PIGZ: variants seen among roughly 807,000 people sequenced by gnomAD.
The protein encoded by PIGZ is phosphatidylinositol glycan anchor biosynthesis class Z (Gwada blood group), also known as GPI alpha-1,2-mannosyltransferase 4.
PIGZ carries 16 observed loss-of-function variants against 16.4 expected under a neutral mutation model. The observed-to-expected ratio is 0.97, with a 90% confidence interval of 0.66 to 1.48. The LOEUF (loss-of-function observed/expected upper bound fraction) is 1.48. PIGZ is among the 40% of genes most tolerant of loss of function. The pLI, the probability that PIGZ is intolerant of heterozygous loss-of-function variation, is 0.00. For synonymous variants in PIGZ, 409 were observed against 338.4 expected, an observed-to-expected ratio of 1.21 and a Z score of -2.29; for missense variants, 770 against 739.2, an observed-to-expected ratio of 1.04 and a Z score of -0.48.
At chr3:196,948,830 CT>C (rs1354009351) in intron 2 of PIGZ, 145 bp from the exon 3 acceptor site, 2 of 441,622 alleles carry the variant, frequency 4.5e-6, no homozygotes, top group African/African-American at 4.2e-5. Flanking sequence ...TTTTTCCTCC[CT>C]TCCCTCCCTC....
chr3:196,960,767 A>AAAGAAAGAAAGAAAGAAAG, intron 1 of PIGZ, among the ~76,000 whole-genome samples: 1 of 67,224 alleles, frequency 1.5e-5, no homozygotes, highest in Non-Finnish European at 3.3e-5. Flanking sequence ...AAGAAAGAAA[A>AAAGAAAGAAAGAAAGAAAG]GAAAACAACT....
chr3:196,949,853 TACACCTGTCAAGCTTG>T (rs1196676857), intron 2 of PIGZ, among the ~76,000 whole-genome samples: 1 of 152,032 alleles, frequency 6.6e-6, no homozygotes, highest in Non-Finnish European at 1.5e-5. Flanking sequence ...CCCTTGTCCT[TACACCTGTCAAGCTTG>T]ACAGAGCCGC....
intron 1 of PIGZ, among the ~76,000 whole-genome samples, chr3:196,955,317 C>G (rs1312005086): frequency 6.6e-6 from 1 of 152,070 alleles, no homozygotes; most frequent in African/African-American, 2.4e-5. Context: ...AAATAGTTGA[C>G]TTGTCTAATT....
intron 1 of PIGZ, among the ~76,000 whole-genome samples, chr3:196,954,430 G>A (rs146137781): frequency 2.0e-3 from 302 of 152,216 alleles, no homozygotes; most frequent in African/African-American, 6.9e-3. Flanking sequence ...TCCTAATATT[G>A]GTTTACTTGT....
chr3:196,968,219 C>T (rs1485215383), intron 1 of PIGZ, among the ~76,000 whole-genome samples: 1 of 152,138 alleles, frequency 6.6e-6, no homozygotes, highest in Non-Finnish European at 1.5e-5. Context: ...GGCCGGGAGC[C>T]GAGATTCTTC....
intron 2 of PIGZ, among the ~76,000 whole-genome samples, chr3:196,951,014 G>A (rs1717259686): frequency 6.6e-6 from 1 of 152,168 alleles, no homozygotes; most frequent in Non-Finnish European, 1.5e-5. Context: ...CCAGAGTGCT[G>A]GGATTACAGG....
intron 1 of PIGZ, among the ~76,000 whole-genome samples, chr3:196,967,899 G>A (rs983580547): frequency 4.6e-5 from 7 of 152,222 alleles, no homozygotes; most frequent in Non-Finnish European, 1.0e-4. Flanking sequence ...TGCAAAGTGG[G>A]GACTCCGCTC....
In PIGZ at chr3:196,948,177, G is replaced by C. The variant is rs749774820; in HGVS notation, c.720C>G (p.Leu240=). The change falls in exon 3 of 3, where the codon CTC becomes CTG. Residue 240 remains leucine (L), a synonymous_variant. Coordinates refer to ENST00000412723, the MANE Select transcript of PIGZ (RefSeq NM_025163.4). ...GGTTTGTGGCTCCACGAGTGCCCCA[G>C]AGGTAGAGGGGGACCACAGCAAAGG... ...FLAFAVVPLY[L]WGTRGATNPG... is the part of the protein sequence containing the mutation. The C allele has an allele frequency of 6.2e-7, 1 of 1,614,010 alleles. No individual in the cohort carries two copies. The highest frequency in any genetic ancestry group is 1.3e-5 in the African/African-American group (1 of 75,060).
At chr3:196,954,505 ACAT>A (rs1717407409) in intron 1 of PIGZ, among the ~76,000 whole-genome samples, 1 of 152,144 alleles carries the variant, frequency 6.6e-6, no homozygotes, top group Non-Finnish European at 1.5e-5. Flanking sequence ...TTTCTTCAAA[ACAT>A]CAACTTTTGC....
rs1269668840 is a variant in PIGZ at position 196,965,206 on chromosome 3, C to T, written c.-1+3481G>A. Among the ~76,000 whole-genome samples the T allele has an allele frequency of 6.6e-6, 1 of 152,122 alleles. No homozygotes were observed. Among genetic ancestry groups the T allele is most frequent in the East Asian group, 1.9e-4 (1 of 5,202 alleles). On this transcript the variant is annotated intron_variant, in intron 1 of 2. Transcript: ENST00000412723. This position sits in a 1 kb window ranked among gnomAD's most constrained non-coding sequence, Gnocchi z 4.2. ...GGCAATTTCTAAATAAAAGAGGTTT[C>T]ATTGACTCACAGTTCTACATTGCTG...
At chr3:196,950,902 G>A (rs1717254282) in intron 2 of PIGZ, among the ~76,000 whole-genome samples, 1 of 151,922 alleles carries the variant, frequency 6.6e-6, no homozygotes. Context: ...CTGCCACCAT[G>A]CCAGGCTAAT....
intron 1 of PIGZ, among the ~76,000 whole-genome samples, chr3:196,962,119 C>G (rs1003336180): frequency 2.0e-5 from 3 of 152,184 alleles, no homozygotes; most frequent in African/African-American, 7.2e-5. Context: ...CCATTTTGAT[C>G]TGTACTAAGA....
chr3:196,948,425 C>T lies in PIGZ; in HGVS notation c.472G>A (p.Ala158Thr), dbSNP rs969126263. Residue 158 changes from alanine to threonine, a missense_variant, in exon 3 of 3, where the codon GCC becomes ACC. By Grantham distance (58) the Ala-to-Thr change is moderately conservative (BLOSUM62 0). Coordinates refer to ENST00000412723, the MANE Select transcript of PIGZ (RefSeq NM_025163.4). The stretch of plus-strand genomic sequence containing the variant: ...TAGGAACCAGACAGCAGGGCCAGGG[C>T]GTTCCAGCGATCCGCCCCCATCGGC... ...APPMGADRWN[A>T]LALLSGSYVT... 11 of 1,614,070 alleles carry T rather than the reference C, an allele frequency of 6.8e-6. No individual in the cohort carries two copies. The highest frequency in any genetic ancestry group is 1.3e-5 in the African/African-American group (1 of 74,920).
At chr3:196,952,144 G>T in intron 1 of PIGZ, 113 bp from the exon 2 acceptor site, 1 of 1,008,748 alleles carries the variant, frequency 9.9e-7, no homozygotes, top group Non-Finnish European at 1.5e-6. Flanking sequence ...AATAATAATA[G>T]CTACTTCATA....
chr3:196,953,220 A>G (rs1717358329), intron 1 of PIGZ, among the ~76,000 whole-genome samples: 1 of 152,228 alleles, frequency 6.6e-6, no homozygotes, highest in Non-Finnish European at 1.5e-5. Flanking sequence ...ACATTTGCTC[A>G]ATGTGACATT....
chr3:196,947,849 G>A lies in PIGZ; in HGVS notation c.1048C>T (p.Gln350Ter). 2 of 1,613,464 alleles carry A rather than the reference G, an allele frequency of 1.2e-6. No individual in the cohort carries two copies. Among genetic ancestry groups the A allele is most frequent in the Non-Finnish European group, 1.7e-6 (2 of 1,179,566 alleles). ...RLQVGLQASAQMGLLRALGAR... is the reference protein window; with the variant it reads ...RLQVGLQASA ...CCCAGTGCCCTCAGGAGGCCCATTT[G>A]TGCAGAGGCCTGGAGGCCGACTTGC... Residue 350 changes from glutamine to a stop codon, truncating the protein, a stop_gained, in exon 3 of 3, where the codon CAA becomes TAA. Coordinates refer to ENST00000412723, the MANE Select transcript of PIGZ (RefSeq NM_025163.4). LOFTEE classifies it low-confidence loss of function (END_TRUNC).
Position 196,965,955 on chromosome 3 carries a change from G to A in PIGZ, c.-1+2732C>T, listed in dbSNP as rs1031101588. Among the ~76,000 whole-genome samples the A allele has an allele frequency of 1.3e-5, 2 of 152,156 alleles. No homozygotes were observed. The highest frequency in any genetic ancestry group is 1.3e-4 in the Admixed American group (2 of 15,276). On this transcript the variant is annotated intron_variant, in intron 1 of 2. Transcript: ENST00000412723. This position sits in a 1 kb window ranked among gnomAD's most constrained non-coding sequence, Gnocchi z 4.2. ...TCCCCTGTGAGAAACCTCTGGATGG[G>A]GGGCCATCCCCTCACCACCCTGAGG...
Position 196,952,032 on chromosome 3 carries a change from C to A in PIGZ, c.1-1G>T. 6.2e-7 allele frequency: 1 copy of A among 1,613,330 alleles called. No individual in the cohort carries two copies. The highest frequency in any genetic ancestry group is 8.5e-7 in the Non-Finnish European group (1 of 1,179,648). On this transcript the variant is annotated splice_acceptor_variant, in intron 1 of 2. Coordinates refer to ENST00000412723, the MANE Select transcript of PIGZ (RefSeq NM_025163.4). LOFTEE classifies it low-confidence loss of function (5UTR_SPLICE). ...CTACGCTGGATCCACAGATCTGCAT[C>A]TGTTGAGGATAACAGTTGTTGGTTA...
At chr3:196,958,127 C>T (rs1717570008) in intron 1 of PIGZ, among the ~76,000 whole-genome samples, 1 of 152,216 alleles carries the variant, frequency 6.6e-6, no homozygotes, top group Admixed American at 6.5e-5. Flanking sequence ...TTTTCTTCGG[C>T]TTACATACTA....
Sources: gnomAD v4.1 joint callset for allele counts (sites outside exome capture counted in the v4.1 genomes callset) on GRCh38, gnomAD v4.1.1 for gene constraint, Gnocchi (gnomAD v3.1) non-coding constraint, MANE v1.5 for transcripts, NCBI Gene and HGNC (gene_info 2026-07-23, HGNC 2026-07-21) for gene names.